Variants in OLA1 observed in about 807,000 individuals in gnomAD.
OLA1 encodes the protein Obg like ATPase 1.
Under a neutral mutation model 48.4 loss-of-function variants are expected in OLA1, and 14 were observed. The observed-to-expected ratio is 0.29, with a 90% CI of 0.19 to 0.45. OLA1 has a LOEUF of 0.45. Among genes scored for constraint, OLA1 ranks in the 20% least tolerant of loss-of-function variants. OLA1 has a pLI of 1.00. For synonymous variants in OLA1, 127 were observed against 150.4 expected, an observed-to-expected ratio of 0.84 and a Z score of 1.14; for missense variants, 325 against 467.1, an observed-to-expected ratio of 0.70 and a Z score of 2.80.
intron 4 of OLA1, among the ~76,000 whole-genome samples, chr2:174,150,285 C>T (rs1168941946): frequency 2.0e-5 from 3 of 152,178 alleles, no homozygotes; most frequent in Non-Finnish European, 2.9e-5. Flanking sequence ...TTATGAGCTC[C>T]ACCACCATAT....
rs564687044 is a variant in OLA1 at position 174,136,712 on chromosome 2, C to G, written c.549+5113G>C. On this transcript the variant is annotated intron_variant, in intron 5 of 10. Transcript: ENST00000284719. ...TCCTGAGACGAGTCTTGGTCTGTAA[C>G]CCAGGCTGTAGTGCAGTGGTGTGAT... is the stretch of plus-strand genomic sequence containing the variant. Among the ~76,000 whole-genome samples, 42 of 150,950 alleles carry G rather than the reference C, an allele frequency of 2.8e-4. No individual in the cohort carries two copies. The South Asian group carries it at 8.8e-3, about 32-fold the overall frequency.
chr2:174,221,607 G>A (rs976511000), intron 4 of OLA1, among the ~76,000 whole-genome samples: 3 of 152,104 alleles, frequency 2.0e-5, no homozygotes, highest in African/African-American at 7.2e-5. Flanking sequence ...TCTGTCACGT[G>A]TGTCCTATCA....
chr2:174,162,375 C>G (rs557854024), intron 4 of OLA1, among the ~76,000 whole-genome samples: 3 of 152,172 alleles, frequency 2.0e-5, no homozygotes, highest in African/African-American at 7.2e-5. Flanking sequence ...CATATCACAA[C>G]TAAAGGTGAT....
At chr2:174,202,874 T>C (rs1320672995) in intron 4 of OLA1, among the ~76,000 whole-genome samples, 2 of 152,226 alleles carry the variant, frequency 1.3e-5, no homozygotes, top group Non-Finnish European at 2.9e-5. Flanking sequence ...GTAAGGCTTC[T>C]GCTCAACAGT....
At chr2:174,246,953 C>G (rs1449424521) in intron 1 of OLA1, 138 bp from the exon 2 acceptor site, 6 of 476,168 alleles carry the variant, frequency 1.3e-5, no homozygotes, top group Non-Finnish European at 1.9e-5. Context: ...AAAACTAACA[C>G]AGAGCTAAAT....
intron 4 of OLA1, among the ~76,000 whole-genome samples, chr2:174,169,410 G>T (rs750616341): frequency 1.5e-4 from 23 of 152,166 alleles, no homozygotes; most frequent in Admixed American, 9.2e-4. Flanking sequence ...CACAAATGTC[G>T]AAGGTAAAGA....
intron 7 of OLA1, among the ~76,000 whole-genome samples, chr2:174,106,313 C>T (rs558910469): frequency 1.2e-4 from 18 of 152,114 alleles, no homozygotes; most frequent in African/African-American, 3.4e-4. Context: ...TTTGTATTGT[C>T]GTTTTCTAAA....
intron 7 of OLA1, among the ~76,000 whole-genome samples, chr2:174,119,476 TACAG>T (rs1364001846): frequency 6.6e-6 from 1 of 152,104 alleles, no homozygotes; most frequent in Non-Finnish European, 1.5e-5. Flanking sequence ...TATGCACACA[TACAG>T]AAATAGAAAA....
At chr2:174,155,421 A>C (rs1686852226) in intron 4 of OLA1, among the ~76,000 whole-genome samples, 1 of 152,230 alleles carries the variant, frequency 6.6e-6, no homozygotes, top group African/African-American at 2.4e-5. Context: ...ACAGCACACA[A>C]TAAGACATTT....
At chr2:174,083,298 A>C (rs946130282) in intron 7 of OLA1, among the ~76,000 whole-genome samples, 1 of 152,142 alleles carries the variant, frequency 6.6e-6, no homozygotes, top group Admixed American at 6.5e-5. Flanking sequence ...TAAGTCACAA[A>C]TCCATCAATG....
chr2:174,189,538 T>A (rs570210479), intron 4 of OLA1, among the ~76,000 whole-genome samples: 1 of 152,082 alleles, frequency 6.6e-6, no homozygotes. Flanking sequence ...ATGTTCGGTC[T>A]CACTCACTCA....
chr2:174,243,731 G>A (rs528853664), intron 2 of OLA1, among the ~76,000 whole-genome samples: 3 of 152,204 alleles, frequency 2.0e-5, no homozygotes, highest in South Asian at 2.1e-4. Flanking sequence ...TCAAAATAGC[G>A]ATTGGCATAT....
At chr2:174,135,386 G>T (rs1686287707) in intron 5 of OLA1, among the ~76,000 whole-genome samples, 1 of 152,092 alleles carries the variant, frequency 6.6e-6, no homozygotes, top group South Asian at 2.1e-4. Flanking sequence ...TTAATCAAGG[G>T]AATAACATGA....
intron 4 of OLA1, among the ~76,000 whole-genome samples, chr2:174,198,649 T>C (rs953649448): frequency 2.6e-5 from 4 of 152,076 alleles, no homozygotes; most frequent in Admixed American, 2.0e-4. Context: ...GGTATGGCAG[T>C]GGGCACCTGT....
intron 7 of OLA1, among the ~76,000 whole-genome samples, chr2:174,088,877 AAAATAAATAAATAAAT>A (rs5836449): frequency 0.01 from 1,546 of 148,130 alleles, 31 homozygotes; most frequent in African/African-American, 0.037. Flanking sequence ...TCCTGTCTCA[AAAATAAATAAATAAAT>A]AAATAAATAA....
intron 4 of OLA1, among the ~76,000 whole-genome samples, chr2:174,211,593 A>AGT (rs1688245101): frequency 6.6e-6 from 1 of 152,212 alleles, no homozygotes. Context: ...TCAGAATAAT[A>AGT]CATATTCGCT....
intron 4 of OLA1, among the ~76,000 whole-genome samples, chr2:174,220,363 T>A (rs944671705): frequency 6.6e-6 from 1 of 152,164 alleles, no homozygotes; most frequent in Non-Finnish European, 1.5e-5. Flanking sequence ...CTCCTTTTGC[T>A]AACTTAGTTC....
At chr2:174,124,490 C>A (rs1177940467) in intron 5 of OLA1, among the ~76,000 whole-genome samples, 3 of 152,140 alleles carry the variant, frequency 2.0e-5, no homozygotes, top group Non-Finnish European at 4.4e-5. Context: ...ACAAACTGAA[C>A]CCTTCAAGCC....
At chr2:174,101,544 C>T (rs1685398453) in intron 7 of OLA1, among the ~76,000 whole-genome samples, 1 of 152,080 alleles carries the variant, frequency 6.6e-6, no homozygotes, top group African/African-American at 2.4e-5. Flanking sequence ...ATGGTTAGTG[C>T]TTTTTGTGAC....
Sources: allele counts gnomAD v4.1 joint callset (sites outside exome capture counted in the v4.1 genomes callset), GRCh38; gene constraint gnomAD v4.1.1; transcripts MANE v1.5; gene names NCBI Gene and HGNC (gene_info 2026-07-23, HGNC 2026-07-21).